Variants in KIDINS220 observed in about 807,000 individuals in gnomAD.
The protein encoded by KIDINS220 is kinase D interacting substrate 220.
A neutral mutation model predicts 157.6 loss-of-function variants in KIDINS220; 63 were observed. The ratio of observed to expected loss-of-function variants is 0.40; its 90% CI spans 0.33 to 0.49. The LOEUF is 0.49. KIDINS220 is among the 20% of genes least tolerant of loss of function. KIDINS220 has a pLI of 0.66. For missense variants in KIDINS220, 1,772 were observed against 2,171.2 expected, an observed-to-expected ratio of 0.82 and a Z score of 3.65; for synonymous variants, 732 against 783.6, an observed-to-expected ratio of 0.93 and a Z score of 1.10.
intron 26 of KIDINS220, among the ~76,000 whole-genome samples, chr2:8,738,023 C>G (rs193004636): frequency 1.3e-5 from 2 of 152,156 alleles, no homozygotes; most frequent in African/African-American, 4.8e-5. Context: ...TTTTATTCCT[C>G]AACCAGTCTC....
intron 1 of KIDINS220, among the ~76,000 whole-genome samples, chr2:8,832,751 C>T (rs1679833047): frequency 6.6e-6 from 1 of 152,156 alleles, no homozygotes; most frequent in South Asian, 2.1e-4. Context: ...TTCAGTTCAA[C>T]GTTCACTTCC....
Position 8,737,004 on chromosome 2 carries a change from A to G in KIDINS220, c.3586-5T>C. On this transcript the variant is annotated splice_polypyrimidine_tract_variant and splice_region_variant and intron_variant, in intron 26 of 29. Transcript: ENST00000256707. ...GCCTGGGGCTGGGCCTGACCCCTAG[A>G]GAAGTCAAGGAAAAATACAGGTATG... The G allele has an allele frequency of 6.2e-7, 1 of 1,614,016 alleles. No individual in the cohort carries two copies. The highest frequency in any genetic ancestry group is 1.1e-5 in the South Asian group (1 of 91,056).
In KIDINS220 at chr2:8,788,703, C is replaced by T. The variant is rs771889206; in HGVS notation, c.1731G>A (p.Leu577=). The change falls in exon 15 of 30, where the codon TTG becomes TTA. Residue 577 remains leucine, a synonymous_variant. Coordinates refer to ENST00000256707, the MANE Select transcript of KIDINS220 (RefSeq NM_020738.4). ...GCAACTCAGGTGGATTCACAAACATCAATTTAAGGAGGAGTTCCAAATATC... is the reference window on the plus strand; with the variant it reads ...GCAACTCAGGTGGATTCACAAACATTAATTTAAGGAGGAGTTCCAAATATC... The part of the protein sequence containing the change: ...HIGYLELLLK[L]MFVNPPELPE... 3 of 1,614,080 alleles carry T rather than the reference C, an allele frequency of 1.9e-6. No homozygotes were observed. The highest frequency in any genetic ancestry group is 2.7e-5 in the African/African-American group (2 of 74,926).
chr2:8,731,243 G>C lies in KIDINS220; in HGVS notation c.4793C>G (p.Ser1598Cys), dbSNP rs762215575. ...VRSSESSPNHSLHNEVADDSQ... is the reference protein window; with the variant it reads ...VRSSESSPNHCLHNEVADDSQ... ...GTCATCCGCCACTTCATTGTGCAGAGAGTGATTGGGAGAACTTTCACTGGA... is the reference window on the plus strand; with the variant it reads ...GTCATCCGCCACTTCATTGTGCAGACAGTGATTGGGAGAACTTTCACTGGA... Residue 1598 changes from serine (S) to cysteine (C), a missense_variant, in exon 30 of 30, where the codon TCT becomes TGT. Around this residue, in one of 3 missense-constraint regions of KIDINS220, gnomAD observed 793 missense variants for 885.5 expected, o/e 0.90. Transcript: ENST00000256707. The surrounding 1 kb of genome is among the most constrained non-coding windows in gnomAD (Gnocchi z 5.2). 3 of 1,614,108 alleles carry C rather than the reference G, an allele frequency of 1.9e-6. No homozygotes were observed. The highest frequency in any genetic ancestry group is 2.2e-5 in the South Asian group (2 of 91,086).
intron 17 of KIDINS220, among the ~76,000 whole-genome samples, chr2:8,784,224 AAAGC>A (rs1367181210): frequency 6.6e-6 from 1 of 152,134 alleles, no homozygotes; most frequent in Non-Finnish European, 1.5e-5. Context: ...AGGAAGCAAG[AAAGC>A]AAGCAAGAAA....
chr2:8,794,115 T>C (rs1673575694), intron 11 of KIDINS220, 128 bp from the exon 12 acceptor site: 2 of 642,544 alleles, frequency 3.1e-6, no homozygotes, highest in Non-Finnish European at 4.9e-6. Flanking sequence ...AAAGCACATA[T>C]ATAATATGAA....
chr2:8,815,188 C>G (rs1480742756), intron 4 of KIDINS220, among the ~76,000 whole-genome samples: 3 of 151,878 alleles, frequency 2.0e-5, no homozygotes, highest in African/African-American at 7.3e-5. Flanking sequence ...ATCACTTGAG[C>G]TCAGGAGTTC....
In KIDINS220 at chr2:8,806,444, TAATA is replaced by T. The variant is rs1675467072; in HGVS notation, c.505-79_505-76del. 4.6e-6 allele frequency: 4 copies of T among 877,184 alleles called. No individual in the cohort carries two copies. The South Asian group carries it at 7.4e-5, about 16-fold the overall frequency. 54.3% of individuals were successfully genotyped at this position (877,184 alleles called of 1,614,324 possible). On this transcript the variant is annotated intron_variant, in intron 6 of 29. Transcript: ENST00000256707. ...AGAAACTAGCTCTTAACATGAATTT[TAATA>T]AAAATCTTACTTTTTATCATTCTCA...
At chr2:8,753,627 A>G (rs554129263) in intron 22 of KIDINS220, among the ~76,000 whole-genome samples, 1 of 152,354 alleles carries the variant, frequency 6.6e-6, no homozygotes, top group East Asian at 1.9e-4. Context: ...ATTAACTGTT[A>G]GATTATACTA....
Position 8,796,856 on chromosome 2 carries a change from G to A in KIDINS220, c.1013C>T (p.Pro338Leu), listed in dbSNP as rs1237327748. ...TCTCATCTTGGTAGCCTTTATAAGTGGCGTTTCACCATCCTGTGGGCACAA... is the reference window on the plus strand; with the variant it reads ...TCTCATCTTGGTAGCCTTTATAAGTAGCGTTTCACCATCCTGTGGGCACAA... ...TEICTKDGET[P>L]LIKATKMRNI... Residue 338 changes from proline (P) to leucine (L), a missense_variant, in exon 11 of 30, where the codon CCA (proline) becomes CTA (leucine). This residue lies in a region of KIDINS220 where 725 missense variants were observed against 1,017.1 expected (regional missense o/e 0.71). Transcript: ENST00000256707. The A allele has an allele frequency of 3.7e-6, 6 of 1,613,928 alleles. No individual in the cohort carries two copies. The East Asian group carries it at 1.1e-4, about 30-fold the overall frequency.
At chr2:8,815,420 A>G (rs888828492) in intron 4 of KIDINS220, among the ~76,000 whole-genome samples, 1 of 150,924 alleles carries the variant, frequency 6.6e-6, no homozygotes, top group Non-Finnish European at 1.5e-5. Flanking sequence ...GAAAAAGAAA[A>G]AAAAAGGGAG....
At chr2:8,762,100 C>G (rs187511827) in intron 22 of KIDINS220, among the ~76,000 whole-genome samples, 43 of 152,146 alleles carry the variant, frequency 2.8e-4, no homozygotes, top group Admixed American at 5.9e-4. Flanking sequence ...TAAACCTGCA[C>G]AAGTAATAAT....
chr2:8,753,294 A>T (rs1667599663), intron 22 of KIDINS220, among the ~76,000 whole-genome samples: 1 of 152,246 alleles, frequency 6.6e-6, no homozygotes, highest in Non-Finnish European at 1.5e-5. Flanking sequence ...CAACCAATAA[A>T]GAGTGTATAG....
intron 10 of KIDINS220, among the ~76,000 whole-genome samples, chr2:8,797,109 C>T (rs1674072365): frequency 6.6e-6 from 1 of 152,160 alleles, no homozygotes; most frequent in African/African-American, 2.4e-5. Context: ...TCGTAAGCTA[C>T]AGCCGGCAGC....
At chr2:8,738,902 A>AT (rs1247677454) in intron 26 of KIDINS220, among the ~76,000 whole-genome samples, 2 of 152,168 alleles carry the variant, frequency 1.3e-5, no homozygotes, top group African/African-American at 2.4e-5. Flanking sequence ...ACAGAATAGC[A>AT]TTTTTTGCAT....
chr2:8,723,032 C>A (rs919192445), downstream of KIDINS220: 1 of 152,250 alleles, frequency 6.6e-6, no homozygotes, highest in Non-Finnish European at 1.5e-5. Flanking sequence ...GAGATGTCAA[C>A]AACTCATCTG....
In KIDINS220 at chr2:8,747,878, T is replaced by C. The variant is rs771770372; in HGVS notation, c.3528+9A>G. 3.9e-6 allele frequency: 6 copies of C among 1,524,084 alleles called. No individual in the cohort carries two copies. Among genetic ancestry groups the C allele is most frequent in the South Asian group, 2.4e-5 (2 of 82,694 alleles). 94.4% of individuals were successfully genotyped at this position (1,524,084 alleles called of 1,614,324 possible). On this transcript the variant is annotated intron_variant, in intron 25 of 29. Transcript: ENST00000256707. Reference sequence around the variant, plus strand: ...AATTAATATTTGCGTTACCCTTTTATATACTTACTAGGCCATTGTTCTGAT... The same window carrying C: ...AATTAATATTTGCGTTACCCTTTTACATACTTACTAGGCCATTGTTCTGAT...
In KIDINS220 at chr2:8,770,826, A is replaced by G; in HGVS notation, c.2855T>C (p.Leu952Ser). The G allele has an allele frequency of 1.3e-6, 2 of 1,584,262 alleles. No individual in the cohort carries two copies. The highest frequency in any genetic ancestry group is 1.7e-6 in the Non-Finnish European group (2 of 1,167,286). The change falls in exon 22 of 30, where the codon TTA becomes TCA. Residue 952 changes from leucine (L) to serine (S), a missense_variant. Around this residue, in one of 3 missense-constraint regions of KIDINS220, gnomAD observed 725 missense variants for 1,017.1 expected, o/e 0.71. Transcript: ENST00000256707. ...LLNIVSVTGR[L>S]LRANQISFNW... ...GAAACTAATCTGATTGGCTCTCAGT[A>G]ATCGTCCTTTTAAAAAATACAAAAG...
At chr2:8,806,424 C>A in intron 6 of KIDINS220, 55 bp from the exon 7 acceptor site, 2 of 1,083,398 alleles carry the variant, frequency 1.8e-6, no homozygotes, top group Non-Finnish European at 2.7e-6. Context: ...CTCAAAGAAA[C>A]TAGCTCTTAA....
Sources: gnomAD v4.1 joint callset for allele counts (sites outside exome capture counted in the v4.1 genomes callset) on GRCh38, gnomAD v4.1.1 for gene constraint, gnomAD v4.1.1 regional missense constraint, Gnocchi (gnomAD v3.1) non-coding constraint, MANE v1.5 for transcripts, NCBI Gene and HGNC (gene_info 2026-07-23, HGNC 2026-07-21) for gene names.